The following SLC36A1 variants were observed in gnomAD, a reference collection of about 807,000 sequenced individuals.
The protein encoded by SLC36A1 is solute carrier family 36 member 1, also known as proton-coupled amino acid transporter 1.
Under a neutral mutation model 47.5 loss-of-function variants are expected in SLC36A1, and 30 were observed. The ratio of observed to expected loss-of-function variants is 0.63; its 90% CI spans 0.47 to 0.86. The LOEUF (loss-of-function observed/expected upper bound fraction) is 0.86, where lower values mean the gene tolerates loss of function less well. Ranked by LOEUF, SLC36A1 falls within the 40% of genes least tolerant of loss-of-function variation. The pLI, the probability that SLC36A1 is intolerant of heterozygous loss-of-function variation, is 0.00. For synonymous variants in SLC36A1, 255 were observed against 249.7 expected, an observed-to-expected ratio of 1.02 and a Z score of -0.20; for missense variants, 517 against 606.0, an observed-to-expected ratio of 0.85 and a Z score of 1.54.
At chr5:151,554,712 T>C in the SLC36A1 span, 3 of 1,516,632 alleles carry the variant, frequency 2.0e-6, no homozygotes, top group Non-Finnish European at 2.7e-6. Flanking sequence ...GAGCTGACAA[T>C]TGCAAATTAG....
the SLC36A1 span, chr5:151,380,987 A>G: frequency 5.2e-6 from 2 of 388,022 alleles, no homozygotes; most frequent in South Asian, 4.3e-5. Flanking sequence ...CCAACCCTAT[A>G]ACAGAGGGGC....
chr5:151,555,442 C>G, the SLC36A1 span, among the ~76,000 whole-genome samples: 1 of 148,434 alleles, frequency 6.7e-6, no homozygotes, highest in Non-Finnish European at 1.5e-5. Context: ...ACGATCTCAG[C>G]TCACTGCAAC....
intron 9 of SLC36A1, among the ~76,000 whole-genome samples, chr5:151,478,937 T>C (rs1295100327): frequency 6.6e-6 from 1 of 152,246 alleles, no homozygotes; most frequent in Non-Finnish European, 1.5e-5. Context: ...TGATATGCTA[T>C]ATCATGTGAT....
chr5:151,431,319 G>A, the SLC36A1 span: 3 of 152,144 alleles, frequency 2.0e-5, no homozygotes, highest in Non-Finnish European at 2.9e-5. Context: ...CAGGAGCTCC[G>A]GGTGGAGGAG....
the SLC36A1 span, among the ~76,000 whole-genome samples, chr5:151,364,146 T>G: frequency 0.03 from 4,538 of 152,308 alleles, 221 homozygotes; most frequent in African/African-American, 0.1. Flanking sequence ...TAGATTTATG[T>G]GTGTTTTATG....
intron 3 of SLC36A1, among the ~76,000 whole-genome samples, chr5:151,464,272 T>C (rs1396351079): frequency 6.6e-6 from 1 of 152,218 alleles, no homozygotes; most frequent in African/African-American, 2.4e-5. Flanking sequence ...AACAGACTTA[T>C]CTTATGTCCT....
At chr5:151,381,017 C>T in the SLC36A1 span, 1 of 397,780 alleles carries the variant, frequency 2.5e-6, no homozygotes, top group Non-Finnish European at 5.0e-6. Context: ...AGACTATGCT[C>T]TCTTGTTGAA....
the SLC36A1 span, chr5:151,347,307 TG>T: frequency 3.1e-6 from 5 of 1,614,152 alleles, no homozygotes; most frequent in Non-Finnish European, 4.2e-6. Flanking sequence ...GTTATGCCCT[TG>T]GTCTTCTTCA....
At chr5:151,465,257 C>A (rs77561917) in intron 5 of SLC36A1, 88 bp downstream of exon 5, 5 of 1,067,030 alleles carry the variant, frequency 4.7e-6, no homozygotes, top group Non-Finnish European at 7.3e-6. Flanking sequence ...CAGTGTAAAG[C>A]GTGGAAAGAG....
chr5:151,397,859 A>G, the SLC36A1 span, among the ~76,000 whole-genome samples: 1 of 150,762 alleles, frequency 6.6e-6, no homozygotes, highest in South Asian at 2.1e-4. Context: ...GTTCATGTCT[A>G]TAATCTCAGT....
chr5:151,366,537 C>A, the SLC36A1 span: 1 of 279,310 alleles, frequency 3.6e-6, no homozygotes. Context: ...AGCTCATGCA[C>A]TCTGAGTAGT....
At chr5:151,470,699 A>G (rs357627) in intron 7 of SLC36A1, 58,958 of 152,220 alleles carry the variant, frequency 0.39, 11,537 homozygotes, top group East Asian at 0.5. Flanking sequence ...GCTTGTTACT[A>G]CTGTTCTGTT....
chr5:151,360,651 AG>A, the SLC36A1 span, among the ~76,000 whole-genome samples: 4 of 152,190 alleles, frequency 2.6e-5, no homozygotes, highest in Non-Finnish European at 4.4e-5. Flanking sequence ...GTTTCTATAT[AG>A]TATTGATCTT....
rs1200147421 is a variant in SLC36A1, at chr5:151,488,427, G to A, written c.*173G>A. Reference sequence around the variant, plus strand: ...CCAGGTAACCTGAGGGCAGGGGAGAGGTGGGGTGGCAGACACGCAGAAGTG... The same window carrying A: ...CCAGGTAACCTGAGGGCAGGGGAGAAGTGGGGTGGCAGACACGCAGAAGTG... On this transcript the variant is annotated 3_prime_UTR_variant, in exon 11 of 11. Transcript: ENST00000243389. The A allele has an allele frequency of 1.2e-6, 1 of 805,044 alleles. No homozygotes were observed. Among genetic ancestry groups the A allele is most frequent in the African/African-American group, 1.7e-5 (1 of 57,626 alleles). The allele number at this position is 805,044 out of a possible 1,614,324, so 49.9% of individuals were successfully genotyped here. A position where few individuals can be genotyped will look rare whatever the true frequency, so the allele number is the denominator to read the frequency against.
chr5:151,473,821 T>A, intron 8 of SLC36A1, 50 bp downstream of exon 8: 1 of 1,359,396 alleles, frequency 7.4e-7, no homozygotes, highest in Non-Finnish European at 1.1e-6. Context: ...GCCCTTGGTG[T>A]TCTCCAGGTC....
At chr5:151,458,095 G>A (rs1466129057) in intron 1 of SLC36A1, among the ~76,000 whole-genome samples, 5 of 151,560 alleles carry the variant, frequency 3.3e-5, no homozygotes, top group South Asian at 2.1e-4. Flanking sequence ...TGATCCGCCC[G>A]CCTTGGCCTC....
At chr5:151,370,053 G>C in the SLC36A1 span, among the ~76,000 whole-genome samples, 784 of 148,736 alleles carry the variant, frequency 5.3e-3, 8 homozygotes, top group African/African-American at 0.018. Flanking sequence ...TGCCCACCTC[G>C]ACCTCCCAAA....
chr5:151,535,626 G>C, the SLC36A1 span, among the ~76,000 whole-genome samples: 3 of 152,132 alleles, frequency 2.0e-5, no homozygotes, highest in Admixed American at 2.0e-4. Flanking sequence ...TCTGAGTTCT[G>C]TGAGCTGTCC....
chr5:151,416,225 G>C, the SLC36A1 span, among the ~76,000 whole-genome samples: 5 of 152,192 alleles, frequency 3.3e-5, no homozygotes, highest in African/African-American at 4.8e-5. Context: ...GGCATCCCAG[G>C]AGCCTCCTTA....
Sources: gnomAD v4.1 joint callset for allele counts (sites outside exome capture counted in the v4.1 genomes callset) on GRCh38, gnomAD v4.1.1 for gene constraint, MANE v1.5 for transcripts, NCBI Gene and HGNC (gene_info 2026-07-23, HGNC 2026-07-21) for gene names.